The following MBNL1 variants were observed in gnomAD, a reference collection of about 807,000 sequenced individuals.
MBNL1 encodes muscleblind like splicing regulator 1.
A neutral mutation model predicts 42.2 loss-of-function variants in MBNL1; 8 were observed. The ratio of observed to expected loss-of-function variants is 0.19; its 90% CI spans 0.11 to 0.34. The LOEUF (loss-of-function observed/expected upper bound fraction) is 0.34, where lower values mean the gene tolerates loss of function less well. Ranked by LOEUF, MBNL1 falls within the 10% of genes least tolerant of loss-of-function variation. MBNL1 has a pLI of 1.00. For synonymous variants in MBNL1, 169 were observed against 173.9 expected (o/e 0.97, Z 0.22); for missense variants, 309 against 495.3 (o/e 0.62, Z 3.57).
At chr3:152,338,083 A>G in intron 2 of MBNL1, 1 of 951,598 alleles carries the variant, frequency 1.1e-6, no homozygotes, top group Non-Finnish European at 1.3e-6. Flanking sequence ...TGCCGTAGGC[A>G]TGCTATAATA....
chr3:152,410,472 G>A (rs1483332426), intron 2 of MBNL1, among the ~76,000 whole-genome samples: 2 of 152,192 alleles, frequency 1.3e-5, no homozygotes, highest in Non-Finnish European at 2.9e-5. Context: ...ACTTGGTGTA[G>A]ACCAATATTT....
intron 2 of MBNL1, among the ~76,000 whole-genome samples, chr3:152,404,029 T>G (rs1416413815): frequency 1.3e-5 from 2 of 152,208 alleles, no homozygotes; most frequent in Admixed American, 1.3e-4. Context: ...TTCTTCGTGC[T>G]CTGTCATTGT....
chr3:152,328,320 A>AAG (rs1343049196), intron 2 of MBNL1, among the ~76,000 whole-genome samples: 9 of 152,282 alleles, frequency 5.9e-5, no homozygotes, highest in African/African-American at 1.7e-4. Context: ...AATCTGCCAA[A>AAG]AGATGCACTG....
At chr3:152,369,973 GTTGA>G (rs920925893) in intron 2 of MBNL1, among the ~76,000 whole-genome samples, 2 of 151,880 alleles carry the variant, frequency 1.3e-5, no homozygotes, top group African/African-American at 4.8e-5. Flanking sequence ...TCCTGGATTC[GTTGA>G]TTGTTTTTGG....
intron 2 of MBNL1, among the ~76,000 whole-genome samples, chr3:152,393,790 C>G (rs1457999410): frequency 6.6e-6 from 1 of 152,136 alleles, no homozygotes; most frequent in African/African-American, 2.4e-5. Flanking sequence ...ATATGTTCCC[C>G]TTTCCTGTGC....
At chr3:152,279,297 C>T (rs931092339) in intron 1 of MBNL1, among the ~76,000 whole-genome samples, 1 of 152,048 alleles carries the variant, frequency 6.6e-6, no homozygotes, top group African/African-American at 2.4e-5. Flanking sequence ...TCTTATTTGC[C>T]TAAATCCACA....
chr3:152,367,617 A>G (rs193228636), intron 2 of MBNL1, among the ~76,000 whole-genome samples: 1 of 152,332 alleles, frequency 6.6e-6, no homozygotes, highest in Admixed American at 6.5e-5. Context: ...GTCTTTCACA[A>G]TGGTTGAACT....
At chr3:152,333,241 T>A (rs2086618964) in intron 2 of MBNL1, among the ~76,000 whole-genome samples, 2 of 152,178 alleles carry the variant, frequency 1.3e-5, no homozygotes, top group African/African-American at 4.8e-5. Context: ...TAAGATACAC[T>A]TGAAAAATAA....
At chr3:152,267,253 CT>C, upstream of MBNL1, 1 of 152,588 alleles carries the variant, frequency 6.6e-6, no homozygotes, top group East Asian at 1.9e-4. Flanking sequence ...ACTCTACTCC[CT>C]TTTGATCTTG....
chr3:152,321,710 G>T (rs1242123473), intron 2 of MBNL1, among the ~76,000 whole-genome samples: 1 of 151,968 alleles, frequency 6.6e-6, no homozygotes, highest in African/African-American at 2.4e-5. Context: ...ATCAAGCCTG[G>T]TGTCCCTTTC....
At chr3:152,406,010 A>G (rs1221362315) in intron 2 of MBNL1, among the ~76,000 whole-genome samples, 1 of 152,208 alleles carries the variant, frequency 6.6e-6, no homozygotes, top group Admixed American at 6.5e-5. Flanking sequence ...TTCCAGTTTC[A>G]TGATGCTATA....
chr3:152,355,511 T>G (rs2095449973), intron 2 of MBNL1, among the ~76,000 whole-genome samples: 3 of 152,192 alleles, frequency 2.0e-5, no homozygotes, highest in African/African-American at 7.2e-5. Flanking sequence ...TCCTGGAAAT[T>G]GATACAATTT....
At chr3:152,338,675 T>G (rs1240070702) in intron 2 of MBNL1, 1 of 985,176 alleles carries the variant, frequency 1.0e-6, no homozygotes, top group Non-Finnish European at 1.2e-6. Context: ...TATGTAAAGG[T>G]AAGATTCTGA....
At chr3:152,329,729 T>G (rs969225814) in intron 2 of MBNL1, among the ~76,000 whole-genome samples, 7 of 147,224 alleles carry the variant, frequency 4.8e-5, no homozygotes, top group Non-Finnish European at 7.5e-5. Flanking sequence ...TCATATATAA[T>G]ATATAATATA....
chr3:152,319,169 T>G (rs1379890999), intron 2 of MBNL1, among the ~76,000 whole-genome samples: 1 of 152,300 alleles, frequency 6.6e-6, no homozygotes, highest in East Asian at 1.9e-4. Flanking sequence ...AACCTTTTTT[T>G]GGGGGGCCTA....
intron 2 of MBNL1, among the ~76,000 whole-genome samples, chr3:152,387,513 G>A (rs2097500616): frequency 6.6e-6 from 1 of 152,012 alleles, no homozygotes; most frequent in Non-Finnish European, 1.5e-5. Context: ...ATGTAGTCAA[G>A]GACCAAAATC....
chr3:152,367,034 A>G (rs1488762358), intron 2 of MBNL1, among the ~76,000 whole-genome samples: 1 of 152,148 alleles, frequency 6.6e-6, no homozygotes, highest in African/African-American at 2.4e-5. Context: ...GACGTAGTTT[A>G]CATTTGGCTT....
chr3:152,357,504 T>C (rs545847904), intron 2 of MBNL1, among the ~76,000 whole-genome samples: 2 of 152,302 alleles, frequency 1.3e-5, no homozygotes, highest in African/African-American at 2.4e-5. Flanking sequence ...TGGAGTGTTA[T>C]AGGAGCAGGG....
chr3:152,285,718 G>A (rs1288581568), intron 1 of MBNL1, among the ~76,000 whole-genome samples: 5 of 150,488 alleles, frequency 3.3e-5, no homozygotes, highest in African/African-American at 4.9e-5. Flanking sequence ...GGCCTCCCGG[G>A]CTCAAACAAT....
Sources: gnomAD v4.1 joint callset for allele counts (sites outside exome capture counted in the v4.1 genomes callset) on GRCh38, gnomAD v4.1.1 for gene constraint, MANE v1.5 for transcripts, NCBI Gene and HGNC (gene_info 2026-07-23, HGNC 2026-07-21) for gene names.